The following EIF3J variants were observed in gnomAD, a reference collection of about 807,000 sequenced individuals.
The protein encoded by EIF3J is eukaryotic translation initiation factor 3 subunit J.
EIF3J carries 15 observed loss-of-function variants against 39.0 expected under a neutral mutation model. That is an observed-to-expected ratio of 0.38 (90% CI 0.26 to 0.59). The LOEUF is 0.59. Among genes scored for constraint, EIF3J ranks in the 20% least tolerant of loss-of-function variants. The pLI, the probability that EIF3J is intolerant of heterozygous loss-of-function variation, is 0.60. For missense variants in EIF3J, 226 were observed against 308.6 expected (o/e 0.73, Z 2.00); for synonymous variants, 98 against 112.9 (o/e 0.87, Z 0.84).
chr15:44,557,723 AT>A, intron 6 of EIF3J, 73 bp downstream of exon 6: 1 of 1,187,794 alleles, frequency 8.4e-7, no homozygotes, highest in Non-Finnish European at 1.1e-6. Context: ...GTTGAAGGTT[AT>A]TTTTTATTTT....
intron 2 of EIF3J, among the ~76,000 whole-genome samples, chr15:44,541,759 G>A (rs915743085): frequency 6.6e-6 from 1 of 152,214 alleles, no homozygotes; most frequent in African/African-American, 2.4e-5. Flanking sequence ...GTGTGTATGT[G>A]TAACTTAAGA....
intron 4 of EIF3J, among the ~76,000 whole-genome samples, chr15:44,552,137 T>G (rs2082104552): frequency 6.6e-6 from 1 of 152,140 alleles, no homozygotes. Context: ...AGTTTTTATT[T>G]GCAGTGTATA....
chr15:44,556,507 A>T (rs1441134387), intron 5 of EIF3J, among the ~76,000 whole-genome samples: 1 of 151,626 alleles, frequency 6.6e-6, no homozygotes, highest in Non-Finnish European at 1.5e-5. Flanking sequence ...ACACCTGGCT[A>T]ATTTTATTTA....
chr15:44,559,830 T>C (rs1230561381), intron 6 of EIF3J, among the ~76,000 whole-genome samples: 2 of 152,086 alleles, frequency 1.3e-5, no homozygotes, highest in Non-Finnish European at 2.9e-5. Flanking sequence ...TGAGGAAGGA[T>C]AGTAGGGAGC....
Position 44,549,752 on chromosome 15 carries a change from G to A in EIF3J, c.148-1124G>A, listed in dbSNP as rs184211141. On this transcript the variant is annotated intron_variant, in intron 2 of 7. Coordinates refer to ENST00000261868, the MANE Select transcript of EIF3J (RefSeq NM_003758.4). ...TGTATTCCAGCCTGGGCGACAGAAC[G>A]AGACTCCGTCTCAAAAAAAAAAAAA... is the stretch of plus-strand genomic sequence containing the variant. Among the ~76,000 whole-genome samples, 465 of 113,474 alleles carry A rather than the reference G, an allele frequency of 4.1e-3. 7 individuals carry two copies. The East Asian group carries it at 0.047, about 12-fold the overall frequency. 74.4% of individuals were successfully genotyped at this position (113,474 alleles called of 152,430 possible).
In EIF3J at chr15:44,562,114, C is replaced by CTT; in HGVS notation, c.*969_*970dup. 6.5e-6 allele frequency: 1 copy of CTT among 152,748 alleles called. No individual in the cohort carries two copies. 9.5% of individuals were successfully genotyped at this position (152,748 alleles called of 1,614,324 possible). A position where few individuals can be genotyped will look rare whatever the true frequency, so the allele number is the denominator to read the frequency against. On this transcript the variant is annotated 3_prime_UTR_variant, in exon 8 of 8. Coordinates refer to ENST00000261868, the MANE Select transcript of EIF3J (RefSeq NM_003758.4). ...ATTTTGTGTTACCTCCCAAGAGATA[C>CTT]TTTTTGAGAGTATAGAACACAGCTC...
At chr15:44,541,062 T>C (rs2082010844) in intron 2 of EIF3J, among the ~76,000 whole-genome samples, 1 of 152,204 alleles carries the variant, frequency 6.6e-6, no homozygotes, top group South Asian at 2.1e-4. Flanking sequence ...AAGAAAAGAC[T>C]ATGCTTTTCC....
At chr15:44,560,814 A>C (rs143853602) in intron 7 of EIF3J, among the ~76,000 whole-genome samples, 1 of 152,322 alleles carries the variant, frequency 6.6e-6, no homozygotes, top group African/African-American at 2.4e-5. Context: ...TATCCAGAGC[A>C]GGACCAAGGA....
chr15:44,560,033 G>A (rs1029117283), intron 6 of EIF3J, among the ~76,000 whole-genome samples: 1 of 152,206 alleles, frequency 6.6e-6, no homozygotes, highest in Non-Finnish European at 1.5e-5. Flanking sequence ...TTACAGGCAT[G>A]TGCCACTGTG....
intron 2 of EIF3J, among the ~76,000 whole-genome samples, chr15:44,546,186 G>A (rs1482425399): frequency 6.6e-6 from 1 of 152,104 alleles, no homozygotes; most frequent in Non-Finnish European, 1.5e-5. Flanking sequence ...AACTAACGGC[G>A]AAATACAAAC....
intron 7 of EIF3J, chr15:44,560,629 C>T: frequency 8.4e-6 from 3 of 355,658 alleles, no homozygotes; most frequent in Non-Finnish European, 1.0e-5. Context: ...AAAATAGGAA[C>T]AATAATACTC....
intron 2 of EIF3J, among the ~76,000 whole-genome samples, chr15:44,550,400 T>TC (rs1178391646): frequency 6.6e-6 from 1 of 152,054 alleles, no homozygotes; most frequent in African/African-American, 2.4e-5. Flanking sequence ...CAAGTGATCT[T>TC]CCCACCTTAG....
At chr15:44,539,153 A>G (rs1383925205) in intron 2 of EIF3J, among the ~76,000 whole-genome samples, 1 of 151,552 alleles carries the variant, frequency 6.6e-6, no homozygotes, top group Non-Finnish European at 1.5e-5. Flanking sequence ...CAGCCTCCCA[A>G]GTAGCTGGGA....
intron 2 of EIF3J, chr15:44,550,586 A>C (rs2082090848): frequency 4.7e-6 from 1 of 213,880 alleles, no homozygotes; most frequent in Non-Finnish European, 9.2e-6. Context: ...AAGATGAAAT[A>C]CTTAGGAATA....
At chr15:44,552,346 C>T (rs1016788113) in intron 4 of EIF3J, among the ~76,000 whole-genome samples, 3 of 151,476 alleles carry the variant, frequency 2.0e-5, no homozygotes, top group Non-Finnish European at 4.4e-5. Flanking sequence ...TTCCCAGGTT[C>T]AAGCAATTGT....
chr15:44,555,980 C>T (rs2140901083), intron 5 of EIF3J, among the ~76,000 whole-genome samples: 1 of 152,192 alleles, frequency 6.6e-6, no homozygotes. Context: ...CCTTAGCCTC[C>T]CAAGTAGCTG....
In EIF3J at chr15:44,562,750, T is replaced by C. The variant is rs2082217990; in HGVS notation, c.*1601T>C. On this transcript the variant is annotated 3_prime_UTR_variant, in exon 8 of 8. Coordinates refer to ENST00000261868, the MANE Select transcript of EIF3J (RefSeq NM_003758.4). Reference sequence around the variant, plus strand: ...GATCAGTTTCTAACAAATGAAAATGTATCACCTGTTCCTTAACTGTGTAAA... The same window carrying C: ...GATCAGTTTCTAACAAATGAAAATGCATCACCTGTTCCTTAACTGTGTAAA... 1 of 184,142 alleles carries C rather than the reference T, an allele frequency of 5.4e-6. No homozygotes were observed. The highest frequency in any genetic ancestry group is 2.4e-5 in the African/African-American group (1 of 42,106). The allele number at this position is 184,142 out of a possible 1,614,324, so 11.4% of individuals were successfully genotyped here.
rs185355525 is a variant in EIF3J at position 44,541,153 on chromosome 15, G to A, written c.147+3726G>A. Reference sequence around the variant, plus strand: ...TACCTTTTTTACTATCCTGATAGTTGTGCAGAGGTAGTGGGAAGAATTGTT... The same window carrying A: ...TACCTTTTTTACTATCCTGATAGTTATGCAGAGGTAGTGGGAAGAATTGTT... On this transcript the variant is annotated intron_variant, in intron 2 of 7. Coordinates refer to ENST00000261868, the MANE Select transcript of EIF3J (RefSeq NM_003758.4). 3.7e-4 allele frequency among the ~76,000 whole-genome samples: 56 copies of A among 152,288 alleles called. 1 individual carries two copies. In the East Asian group the frequency reaches 7.7e-3, roughly 21 times the overall value.
chr15:44,553,319 C>T (rs989034282), intron 4 of EIF3J, among the ~76,000 whole-genome samples: 1 of 151,906 alleles, frequency 6.6e-6, no homozygotes, highest in Non-Finnish European at 1.5e-5. Context: ...GGTGAAACCC[C>T]GTCTCTACTA....
Sources: gnomAD v4.1 joint callset for allele counts (sites outside exome capture counted in the v4.1 genomes callset) on GRCh38, gnomAD v4.1.1 for gene constraint, MANE v1.5 for transcripts, NCBI Gene and HGNC (gene_info 2026-07-23, HGNC 2026-07-21) for gene names.